The following KCNH1 variants were observed in gnomAD, a reference collection of about 807,000 sequenced individuals.
KCNH1 encodes voltage-gated delayed rectifier potassium channel KCNH1.
KCNH1 carries 27 observed loss-of-function variants against 69.2 expected under a neutral mutation model. The observed-to-expected ratio is 0.39, with a 90% CI of 0.29 to 0.54. The LOEUF is 0.54. KCNH1 is among the 20% of genes least tolerant of loss of function. The pLI, the probability that KCNH1 is intolerant of heterozygous loss-of-function variation, is 0.68. For missense variants in KCNH1, 798 were observed against 1,261.6 expected (o/e 0.63, Z 5.57); for synonymous variants, 456 against 487.7 (o/e 0.93, Z 0.86).
Position 210,975,268 on chromosome 1 carries a change from CA to C in KCNH1, c.1032+43514del, listed in dbSNP as rs373234822. 6.9e-3 allele frequency among the ~76,000 whole-genome samples: 1,051 copies of C among 152,212 alleles called. 9 individuals are homozygous for C. Among genetic ancestry groups the C allele is most frequent in the African/African-American group, 0.024 (1,007 of 41,534 alleles). ...TGTCTATCAATTTTGTTGATCTTTT[CA>C]AAAAACCAGCTCCTGGATTCAGATA... On this transcript the variant is annotated intron_variant, in intron 6 of 10. Coordinates refer to ENST00000271751, the MANE Select transcript of KCNH1 (RefSeq NM_172362.3).
intron 6 of KCNH1, among the ~76,000 whole-genome samples, chr1:211,000,762 ATAC>A (rs1276206733): frequency 3.3e-5 from 5 of 152,230 alleles, no homozygotes; most frequent in Non-Finnish European, 7.3e-5. Context: ...ACTTCAAACT[ATAC>A]TACAAGGCTA....
chr1:211,052,758 A>C (rs1045333403), intron 5 of KCNH1, among the ~76,000 whole-genome samples: 1 of 152,218 alleles, frequency 6.6e-6, no homozygotes, highest in Non-Finnish European at 1.5e-5. Flanking sequence ...CCTCAGCTCT[A>C]CTACAGCAGC....
intron 6 of KCNH1, among the ~76,000 whole-genome samples, chr1:210,945,379 C>T (rs1444874302): frequency 6.6e-6 from 1 of 152,214 alleles, no homozygotes. Flanking sequence ...AGGAACTACA[C>T]GTATCTCCAT....
intron 5 of KCNH1, among the ~76,000 whole-genome samples, chr1:211,051,772 A>C (rs4951495): frequency 0.73 from 111,545 of 152,004 alleles, 41,391 homozygotes; most frequent in South Asian, 0.83. Flanking sequence ...TCTTTAAAAG[A>C]ATCACAAATC....
chr1:211,102,436 G>A (rs967536288), intron 3 of KCNH1, among the ~76,000 whole-genome samples: 17 of 152,122 alleles, frequency 1.1e-4, no homozygotes, highest in Admixed American at 9.2e-4. Context: ...CTAGCTAATA[G>A]TGGGGTGGGA....
chr1:210,938,367 G>T (rs1425988694), intron 6 of KCNH1, among the ~76,000 whole-genome samples: 1 of 152,130 alleles, frequency 6.6e-6, no homozygotes, highest in Admixed American at 6.5e-5. Context: ...CCCCAAGAAG[G>T]AAGACTTTTT....
intron 6 of KCNH1, among the ~76,000 whole-genome samples, chr1:210,982,792 G>C (rs1344406657): frequency 6.6e-6 from 1 of 152,118 alleles, no homozygotes; most frequent in African/African-American, 2.4e-5. Flanking sequence ...CCCAGTAATG[G>C]GATGGCTGGG....
At chr1:210,945,868 G>A (rs575926325) in intron 6 of KCNH1, among the ~76,000 whole-genome samples, 3 of 152,186 alleles carry the variant, frequency 2.0e-5, no homozygotes, top group Middle Eastern at 3.4e-3. Context: ...GCTTAAAATC[G>A]CAACTCCCAG....
chr1:210,707,934 C>A (rs1188322923), intron 10 of KCNH1, among the ~76,000 whole-genome samples: 2 of 152,070 alleles, frequency 1.3e-5, no homozygotes, highest in African/African-American at 4.8e-5. Flanking sequence ...TTTTGTCTAC[C>A]ACTCACTCTT....
intron 7 of KCNH1, among the ~76,000 whole-genome samples, chr1:210,897,166 G>A (rs937159165): frequency 6.6e-6 from 1 of 152,180 alleles, no homozygotes; most frequent in African/African-American, 2.4e-5. Flanking sequence ...CAGTGATCTG[G>A]ATGTAATGGA....
At chr1:210,870,946 C>T (rs886602209) in intron 7 of KCNH1, among the ~76,000 whole-genome samples, 1 of 152,140 alleles carries the variant, frequency 6.6e-6, no homozygotes, top group Non-Finnish European at 1.5e-5. Flanking sequence ...AGCTGGATAG[C>T]CCCAGACAAT....
At chr1:210,806,820 A>ATATATATATAT (rs1558477727) in intron 7 of KCNH1, among the ~76,000 whole-genome samples, 2 of 23,694 alleles carry the variant, frequency 8.4e-5, no homozygotes, top group African/African-American at 1.2e-4. Flanking sequence ...AAAAAAAAAA[A>ATATATATATAT]AAAAAAAAAA....
At position 210,890,709 on chromosome 1, in the gene KCNH1, C is replaced by A. The variant is rs576643892; in HGVS notation, c.1462+28931G>T. On this transcript the variant is annotated intron_variant, in intron 7 of 10. Transcript: ENST00000271751. ...AAACAAATTGACAAGAAAAAAAAAA[C>A]CCCATCAAAAAGTGGGTATAGCATA... Among the ~76,000 whole-genome samples the A allele has an allele frequency of 7.4e-3, 1,119 of 151,302 alleles. 10 individuals are homozygous for A. The highest frequency in any genetic ancestry group is 0.025 in the African/African-American group (1,012 of 41,266).
At chr1:210,820,083 ATAAATTAT>A (rs1684898808) in intron 7 of KCNH1, among the ~76,000 whole-genome samples, 1 of 152,246 alleles carries the variant, frequency 6.6e-6, no homozygotes, top group Admixed American at 6.5e-5. Context: ...AGCCAGAAAG[ATAAATTAT>A]TGTTGTTGTT....
At chr1:210,751,443 A>G (rs1405522896) in intron 10 of KCNH1, among the ~76,000 whole-genome samples, 2 of 152,218 alleles carry the variant, frequency 1.3e-5, no homozygotes, top group East Asian at 3.9e-4. Flanking sequence ...AATTTTAGCA[A>G]GAGTCAGAAG....
chr1:210,685,401 C>T (rs1344429102), intron 10 of KCNH1, among the ~76,000 whole-genome samples: 2 of 152,150 alleles, frequency 1.3e-5, no homozygotes, highest in African/African-American at 4.8e-5. Flanking sequence ...GTGCCCTGGG[C>T]AGGCCACTTA....
At chr1:210,754,277 C>G (rs1036355346) in intron 10 of KCNH1, among the ~76,000 whole-genome samples, 1 of 152,150 alleles carries the variant, frequency 6.6e-6, no homozygotes, top group Non-Finnish European at 1.5e-5. Flanking sequence ...CCAAGTAGAC[C>G]TGACCTGAAA....
intron 6 of KCNH1, among the ~76,000 whole-genome samples, chr1:211,013,471 C>A (rs1216452864): frequency 3.3e-5 from 5 of 152,186 alleles, no homozygotes. Flanking sequence ...AAGGGAACAG[C>A]AGGAGCCATG....
At chr1:211,067,095 A>C (rs766635799) in intron 5 of KCNH1, among the ~76,000 whole-genome samples, 3 of 152,198 alleles carry the variant, frequency 2.0e-5, no homozygotes, top group Non-Finnish European at 4.4e-5. Flanking sequence ...CCAGGCTGGC[A>C]GCATGGAGTG....
Sources: allele counts gnomAD v4.1 joint callset (sites outside exome capture counted in the v4.1 genomes callset), GRCh38; gene constraint gnomAD v4.1.1; transcripts MANE v1.5; gene names NCBI Gene and HGNC (gene_info 2026-07-23, HGNC 2026-07-21).